The following SLC30A4 variants were observed in gnomAD, a reference collection of about 807,000 sequenced individuals.
SLC30A4 encodes the protein probable proton-coupled zinc antiporter SLC30A4.
A neutral mutation model predicts 41.7 loss-of-function variants in SLC30A4; 20 were observed. That is an observed-to-expected ratio of 0.48 (90% CI 0.34 to 0.70). The LOEUF (loss-of-function observed/expected upper bound fraction) is 0.70, where lower values mean the gene tolerates loss of function less well. SLC30A4 is among the 30% of genes least tolerant of loss of function. The probability of loss-of-function intolerance (pLI) is 0.01; values close to 1 mark genes in which losing one functional copy is unlikely to be tolerated. For synonymous variants in SLC30A4, 181 were observed against 195.9 expected (o/e 0.92, Z 0.64); for missense variants, 441 against 529.3 (o/e 0.83, Z 1.64).
rs967806918 is a variant in SLC30A4 at position 45,490,911 on chromosome 15, A to T, written c.539-30T>A. On this transcript the variant is annotated intron_variant, in intron 3 of 7. Coordinates refer to ENST00000261867, the MANE Select transcript of SLC30A4 (RefSeq NM_013309.6). ...AGGGAAAAACACATATAACAAATAC[A>T]TTTTCAGCATGGTTACTACACTTCA... 2.0e-6 allele frequency: 3 copies of T among 1,473,748 alleles called. No individual in the cohort carries two copies. The Admixed American group carries it at 6.6e-5, about 32-fold the overall frequency. 91.3% of individuals were successfully genotyped at this position (1,473,748 alleles called of 1,614,324 possible).
At chr15:45,506,500 A>G (rs1195577350) in intron 3 of SLC30A4, among the ~76,000 whole-genome samples, 1 of 152,174 alleles carries the variant, frequency 6.6e-6, no homozygotes, top group African/African-American at 2.4e-5. Context: ...ACTTCAAGAG[A>G]TTACTCTGAA....
rs1891581868 is a variant in SLC30A4 at position 45,480,107 on chromosome 15, T to C, written c.*5056A>G. 1 of 152,174 alleles carries C rather than the reference T, an allele frequency of 6.6e-6. No individual in the cohort carries two copies. The highest frequency in any genetic ancestry group is 1.5e-5 in the Non-Finnish European group (1 of 68,028). The allele number at this position is 152,174 out of a possible 1,614,324, so 9.4% of individuals were successfully genotyped here. A position where few individuals can be genotyped will look rare whatever the true frequency, so the allele number is the denominator to read the frequency against. On this transcript the variant is annotated 3_prime_UTR_variant, in exon 8 of 8. Coordinates refer to ENST00000261867, the MANE Select transcript of SLC30A4 (RefSeq NM_013309.6). Reference sequence around the variant, plus strand: ...ATTTTGTGTTGCAGTTATCTGAGAATATACTAAATTGCACTATTTAAGTGG... The same window carrying C: ...ATTTTGTGTTGCAGTTATCTGAGAACATACTAAATTGCACTATTTAAGTGG...
At chr15:45,512,769 G>T (rs956547356) in intron 2 of SLC30A4, among the ~76,000 whole-genome samples, 13 of 152,148 alleles carry the variant, frequency 8.5e-5, no homozygotes, top group African/African-American at 3.1e-4. Flanking sequence ...TGATAGAAAT[G>T]TTCTGTATCT....
chr15:45,482,470 CA>C lies in SLC30A4; in HGVS notation c.*2692del, dbSNP rs1317913120. On this transcript the variant is annotated 3_prime_UTR_variant, in exon 8 of 8. Transcript: ENST00000261867. ...TCAAATGAATTTTAGCCTGTTTTATCAAATACATTTTTTAAGGAACAGGTCG... is the reference window on the plus strand; with the variant it reads ...TCAAATGAATTTTAGCCTGTTTTATCAATACATTTTTTAAGGAACAGGTCG... The C allele has an allele frequency of 6.6e-6, 1 of 151,420 alleles. No homozygotes were observed. The highest frequency in any genetic ancestry group is 2.4e-5 in the African/African-American group (1 of 41,206). The allele number at this position is 151,420 out of a possible 1,614,324, so 9.4% of individuals were successfully genotyped here. A position where few individuals can be genotyped will look rare whatever the true frequency, so the allele number is the denominator to read the frequency against.
rs1373702214 is a variant in SLC30A4, at chr15:45,485,336, A to G, written c.1136-19T>C. 1.3e-6 allele frequency: 2 copies of G among 1,563,172 alleles called. No homozygotes were observed. The highest frequency in any genetic ancestry group is 1.8e-6 in the Non-Finnish European group (2 of 1,139,830). ...CCAGGAACTGCAATGTCAAGAAAATATCATTACTATCCATTGTACAGTTAC... is the reference window on the plus strand; with the variant it reads ...CCAGGAACTGCAATGTCAAGAAAATGTCATTACTATCCATTGTACAGTTAC... On this transcript the variant is annotated intron_variant, in intron 7 of 7. Transcript: ENST00000261867.
intron 2 of SLC30A4, among the ~76,000 whole-genome samples, chr15:45,517,402 G>A (rs1393961657): frequency 3.0e-5 from 4 of 132,794 alleles, no homozygotes; most frequent in Non-Finnish European, 6.2e-5. Flanking sequence ...TGCCCAGGCT[G>A]GAGTGCAACA....
Position 45,482,578 on chromosome 15 carries a change from G to A in SLC30A4, c.*2585C>T, listed in dbSNP as rs1398165030. ...CAATAGATATAAAAAAATGATTAGA[G>A]TATGATGAATATTTTTTTCCTTTCT... On this transcript the variant is annotated 3_prime_UTR_variant, in exon 8 of 8. Transcript: ENST00000261867. The A allele has an allele frequency of 2.0e-5, 3 of 152,054 alleles. No homozygotes were observed. Among genetic ancestry groups the A allele is most frequent in the African/African-American group, 7.2e-5 (3 of 41,404 alleles). The allele number at this position is 152,054 out of a possible 1,614,324, so 9.4% of individuals were successfully genotyped here.
chr15:45,495,313 C>A (rs1266376542), intron 3 of SLC30A4, among the ~76,000 whole-genome samples: 1 of 152,122 alleles, frequency 6.6e-6, no homozygotes, highest in African/African-American at 2.4e-5. Context: ...TCCAATTTTT[C>A]TGGGATAGTC....
intron 1 of SLC30A4, 50 bp downstream of exon 1, chr15:45,522,557 C>T (rs1892710136): frequency 2.0e-6 from 1 of 502,968 alleles, no homozygotes; most frequent in South Asian, 3.8e-5. Context: ...CAGGGCCGAC[C>T]CCGACGCTCC....
intron 1 of SLC30A4, 48 bp downstream of exon 1, chr15:45,522,559 C>G: frequency 2.0e-6 from 1 of 490,840 alleles, no homozygotes. Flanking sequence ...GGGCCGACCC[C>G]GACGCTCCGC....
chr15:45,486,466 CTTTGTTTTTTAAAGACAAAGGCT>C, intron 7 of SLC30A4, 122 bp downstream of exon 7: 1 of 687,852 alleles, frequency 1.5e-6, no homozygotes, highest in Non-Finnish European at 2.3e-6. Flanking sequence ...TAACAAAAGC[CTTTGTTTTTTAAAGACAAAGGCT>C]TTTGTCTTAA....
chr15:45,491,857 C>CA (rs539770950), intron 3 of SLC30A4, among the ~76,000 whole-genome samples: 1,433 of 131,688 alleles, frequency 0.011, 14 homozygotes, highest in African/African-American at 0.022. Context: ...AGAGCTGTCT[C>CA]AAAAAAAAAA....
chr15:45,491,857 CA>C (rs539770950), intron 3 of SLC30A4, among the ~76,000 whole-genome samples: 2,008 of 131,338 alleles, frequency 0.015, 36 homozygotes, highest in African/African-American at 0.045. Flanking sequence ...AGAGCTGTCT[CA>C]AAAAAAAAAA....
At chr15:45,505,270 A>C (rs947725820) in intron 3 of SLC30A4, among the ~76,000 whole-genome samples, 1 of 151,666 alleles carries the variant, frequency 6.6e-6, no homozygotes, top group Non-Finnish European at 1.5e-5. Flanking sequence ...GAAAAGAAAA[A>C]AAAAGGCTAC....
chr15:45,521,852 T>C (rs576715383), intron 2 of SLC30A4, 112 bp downstream of exon 2: 39 of 1,110,086 alleles, frequency 3.5e-5, no homozygotes, highest in Middle Eastern at 2.1e-4. Context: ...AGTGTCTTGA[T>C]AAATACAAAC....
Position 45,487,388 on chromosome 15 carries a change from T to C in SLC30A4, c.1000+139A>G, listed in dbSNP as rs564392277. On this transcript the variant is annotated intron_variant, in intron 6 of 7. Transcript: ENST00000261867. ...AGTTCATTAATTCTTACATGTTACA[T>C]ACATGTAAGGTACTGTTATATAGCC... The C allele has an allele frequency of 1.7e-5, 8 of 464,530 alleles. No homozygotes were observed. The Admixed American group carries it at 2.0e-4, about 12-fold the overall frequency. The allele number at this position is 464,530 out of a possible 1,614,324, so 28.8% of individuals were successfully genotyped here.
rs1165038873 is a variant in SLC30A4 at position 45,522,320 on chromosome 15, G to C, written c.35C>G (p.Ser12Cys). ...CGGCGCATCATCCTTCCTTAGCATA[G>C]ATTTGAGGCGCTTCCACGCGCCAGA... is the stretch of plus-strand genomic sequence containing the variant. Reference protein sequence around the residue: ...AGSGAWKRLKSMLRKDDAPLF... With the variant: ...AGSGAWKRLKCMLRKDDAPLF... Residue 12 changes from serine to cysteine, a missense_variant, in exon 2 of 8, where the codon TCT (serine) becomes TGT (cysteine). By Grantham distance (112) the Ser-to-Cys change is moderately radical. Around this residue, in one of 3 missense-constraint regions of SLC30A4, gnomAD observed 312 missense variants for 341.9 expected, o/e 0.91. Transcript: ENST00000261867. The C allele has an allele frequency of 1.9e-6, 3 of 1,613,040 alleles. No individual in the cohort carries two copies. Among genetic ancestry groups the C allele is most frequent in the Non-Finnish European group, 2.5e-6 (3 of 1,179,768 alleles).
intron 3 of SLC30A4, chr15:45,497,309 A>C (rs1232845038): frequency 6.6e-6 from 1 of 152,144 alleles, no homozygotes; most frequent in East Asian, 1.9e-4. Flanking sequence ...ACCTCAGGTG[A>C]TATGCCAGTA....
At position 45,511,186 on chromosome 15, in the gene SLC30A4, A is replaced by C; in HGVS notation, c.490T>G (p.Ser164Ala). ...IILTLLALWL[S>A]SKSPTKRFTF... The stretch of plus-strand genomic sequence containing the variant: ...AATCTTTTGGTTGGTGATTTTGATG[A>C]TAGCCACAAAGCAAGCAGGGTGAGT... Residue 164 changes from serine (S) to alanine (A), a missense_variant, in exon 3 of 8, where the codon TCA (serine) becomes GCA (alanine). Physicochemically the swap from Ser to Ala is moderately conservative, Grantham distance 99. Coordinates refer to ENST00000261867, the MANE Select transcript of SLC30A4 (RefSeq NM_013309.6). The C allele has an allele frequency of 5.0e-6, 8 of 1,613,876 alleles. No homozygotes were observed. Among genetic ancestry groups the C allele is most frequent in the Non-Finnish European group, 6.8e-6 (8 of 1,179,828 alleles).
Sources: gnomAD v4.1 joint callset for allele counts (sites outside exome capture counted in the v4.1 genomes callset) on GRCh38, gnomAD v4.1.1 for gene constraint, gnomAD v4.1.1 regional missense constraint, MANE v1.5 for transcripts, NCBI Gene and HGNC (gene_info 2026-07-23, HGNC 2026-07-21) for gene names.